OPHN1: variants seen among roughly 807,000 people sequenced by gnomAD.
OPHN1 encodes oligophrenin 1.
Under a neutral mutation model 60.7 loss-of-function variants are expected in OPHN1, and 11 were observed. That is an observed-to-expected ratio of 0.18 (90% CI 0.11 to 0.30). The LOEUF (loss-of-function observed/expected upper bound fraction) is 0.30. Ranked by LOEUF, OPHN1 falls within the 10% of genes least tolerant of loss-of-function variation. The pLI is 1.00. For synonymous variants in OPHN1, 226 were observed against 222.6 expected (o/e 1.02, Z -0.14); for missense variants, 449 against 611.0 (o/e 0.73, Z 2.80).
chrX:68,230,939 C>T (rs902366551), intron 6 of OPHN1, among the ~76,000 whole-genome samples: 40 of 110,492 alleles, frequency 3.6e-4, no homozygotes, highest in African/African-American at 1.1e-3. Flanking sequence ...AAGATATCAA[C>T]GAAATTAACA....
In OPHN1 at chrX:68,415,019, A is replaced by G. The variant is rs185365318; in HGVS notation, c.154+17848T>C. On this transcript the variant is annotated intron_variant, in intron 2 of 24. Coordinates refer to ENST00000355520, the MANE Select transcript of OPHN1 (RefSeq NM_002547.3). Reference sequence around the variant, plus strand: ...GTTTCTACTGCTCTCAAAAGGACAGAGTTAAAGATGGAAGACATCTACAAG... The same window carrying G: ...GTTTCTACTGCTCTCAAAAGGACAGGGTTAAAGATGGAAGACATCTACAAG... Among the ~76,000 whole-genome samples the G allele has an allele frequency of 1.5e-3, 167 of 112,365 alleles. 1 individual carries two copies. The highest frequency in any genetic ancestry group is 2.9e-3 in the Non-Finnish European group (157 of 53,318).
intron 8 of OPHN1, among the ~76,000 whole-genome samples, chrX:68,211,533 T>C (rs1207492058): frequency 8.9e-6 from 1 of 112,749 alleles, no homozygotes; most frequent in African/African-American, 3.2e-5. Context: ...GTTCATTTTT[T>C]CCATAAACAT....
At chrX:68,425,957 A>G (rs938977857) in intron 2 of OPHN1, among the ~76,000 whole-genome samples, 4 of 107,708 alleles carry the variant, frequency 3.7e-5, no homozygotes, top group African/African-American at 1.3e-4. Flanking sequence ...CAGCCCCCTG[A>G]GTAACTGGGA....
intron 2 of OPHN1, among the ~76,000 whole-genome samples, chrX:68,324,106 G>A (rs1455786740): frequency 1.8e-5 from 2 of 111,698 alleles, no homozygotes; most frequent in Non-Finnish European, 3.8e-5. Context: ...GCTAGCCAAT[G>A]CATTTGGACA....
intron 2 of OPHN1, among the ~76,000 whole-genome samples, chrX:68,419,343 G>A (rs1455853409): frequency 1.8e-5 from 2 of 108,565 alleles, no homozygotes; most frequent in Admixed American, 2.0e-4. Flanking sequence ...TCCTGGCTAA[G>A]TTGTTACTCA....
chrX:68,203,059 G>A (rs1034816674), intron 10 of OPHN1, among the ~76,000 whole-genome samples: 7 of 109,572 alleles, frequency 6.4e-5, no homozygotes, highest in African/African-American at 2.3e-4. Flanking sequence ...AGGAGTTGGA[G>A]ACCAGCCTGG....
intron 5 of OPHN1, among the ~76,000 whole-genome samples, chrX:68,251,345 C>A (rs1484188059): frequency 9.2e-6 from 1 of 108,248 alleles, no homozygotes; most frequent in African/African-American, 3.4e-5. Flanking sequence ...ACCACCACAC[C>A]CAGTTAATTT....
At chrX:68,269,027 C>T (rs1405636408) in intron 5 of OPHN1, among the ~76,000 whole-genome samples, 2 of 111,488 alleles carry the variant, frequency 1.8e-5, no homozygotes. Context: ...ATCCAACTTA[C>T]AAGGGACATG....
At chrX:68,377,699 C>T (rs1053865984) in intron 2 of OPHN1, among the ~76,000 whole-genome samples, 1 of 109,284 alleles carries the variant, frequency 9.2e-6, no homozygotes, top group South Asian at 4.0e-4. Flanking sequence ...TCTGTTCTTG[C>T]GATAGTTTAC....
intron 15 of OPHN1, among the ~76,000 whole-genome samples, chrX:68,182,188 G>GTTTTTTTTT (rs397951860): frequency 4.3e-5 from 2 of 46,129 alleles, no homozygotes; most frequent in Non-Finnish European, 3.7e-5. Flanking sequence ...AAGCTCTGTA[G>GTTTTTTTTT]TTTTTTTTTT....
chrX:68,194,996 GAGAA>G lies in OPHN1; in HGVS notation c.1105-502_1105-499del, dbSNP rs1384796199. 7.0e-4 allele frequency among the ~76,000 whole-genome samples: 45 copies of G among 64,283 alleles called. 1 individual carries two copies. The highest frequency in any genetic ancestry group is 2.0e-3 in the African/African-American group (37 of 18,244). 55.8% of individuals were successfully genotyped at this position (64,283 alleles called of 115,157 possible). A position where few individuals can be genotyped will look rare whatever the true frequency, so the allele number is the denominator to read the frequency against. ...AAAAAGAAAGAAAGAAAGAGAGAGA[GAGAA>G]AGAAAGGAAGGAAGGAAGGAAGGAA... On this transcript the variant is annotated intron_variant, in intron 12 of 24. Transcript: ENST00000355520.
intron 2 of OPHN1, among the ~76,000 whole-genome samples, chrX:68,339,588 A>C (rs2078341296): frequency 8.9e-6 from 1 of 112,233 alleles, no homozygotes; most frequent in South Asian, 3.7e-4. Context: ...ATATAAAATC[A>C]ATACAAACAC....
chrX:68,422,534 A>G (rs1221190910), intron 2 of OPHN1, among the ~76,000 whole-genome samples: 1 of 100,077 alleles, frequency 1.0e-5, no homozygotes, highest in African/African-American at 3.6e-5. Flanking sequence ...AAAGAAAGAA[A>G]GAAGGAAGGA....
chrX:68,348,917 T>C (rs1341743987), intron 2 of OPHN1, among the ~76,000 whole-genome samples: 1 of 111,494 alleles, frequency 9.0e-6, no homozygotes, highest in East Asian at 2.8e-4. Context: ...GAGAACCCAA[T>C]GCATTTGGCA....
intron 2 of OPHN1, among the ~76,000 whole-genome samples, chrX:68,317,440 AAAG>A (rs2078209443): frequency 1.0e-5 from 1 of 97,616 alleles, no homozygotes; most frequent in Non-Finnish European, 2.1e-5. Context: ...GGGGAAAAGA[AAAG>A]AAAAAGAGAA....
chrX:68,277,315 G>C (rs1251266887), intron 4 of OPHN1, among the ~76,000 whole-genome samples: 1 of 112,196 alleles, frequency 8.9e-6, no homozygotes, highest in African/African-American at 3.2e-5. Flanking sequence ...ATAGCAGGCA[G>C]AGCTCAAGCA....
chrX:68,412,344 C>T (rs1020496993), intron 2 of OPHN1, among the ~76,000 whole-genome samples: 6 of 111,867 alleles, frequency 5.4e-5, no homozygotes, highest in African/African-American at 1.9e-4. Context: ...ACCTTAAGAA[C>T]ATTATGCTAA....
intron 15 of OPHN1, among the ~76,000 whole-genome samples, chrX:68,171,371 A>G (rs2077390395): frequency 8.9e-6 from 1 of 112,382 alleles, no homozygotes; most frequent in African/African-American, 3.2e-5. Context: ...ACTGTGAGAC[A>G]ATATTTGGAA....
chrX:68,152,908 A>G (rs2077291500), intron 15 of OPHN1, among the ~76,000 whole-genome samples: 1 of 111,043 alleles, frequency 9.0e-6, no homozygotes, highest in South Asian at 3.8e-4. Context: ...AGAATGTTGT[A>G]AATTAGAAAG....
Sources: gnomAD v4.1 joint callset for allele counts (sites outside exome capture counted in the v4.1 genomes callset) on GRCh38, gnomAD v4.1.1 for gene constraint, MANE v1.5 for transcripts, NCBI Gene and HGNC (gene_info 2026-07-23, HGNC 2026-07-21) for gene names.